Variants in RALA observed in about 807,000 individuals in gnomAD.
RALA encodes the protein ras-related protein Ral-A.
Under a neutral mutation model 24.0 loss-of-function variants are expected in RALA, and 5 were observed. That is an observed-to-expected ratio of 0.21 (90% confidence interval 0.11 to 0.44). RALA has a LOEUF of 0.44. RALA is among the 20% of genes least tolerant of loss of function. The pLI is 0.99. For missense variants in RALA, 95 were observed against 241.2 expected (o/e 0.39, Z 4.01); for synonymous variants, 77 against 83.8 (o/e 0.92, Z 0.44).
chr7:39,678,605 A>G (rs1482354994), intron 1 of RALA, among the ~76,000 whole-genome samples: 3 of 152,194 alleles, frequency 2.0e-5, no homozygotes, highest in South Asian at 2.1e-4. Flanking sequence ...ACGGTAAGAG[A>G]CAGAAAATAA....
Position 39,706,503 on chromosome 7 carries a change from G to C in RALA, c.*258G>C. ...GGTCCTGAATGTAGCGTGTAAGCTT[G>C]TGTTTCTTGGGCAGTCTTTCTTGAA... On this transcript the variant is annotated 3_prime_UTR_variant, in exon 5 of 5. Coordinates refer to ENST00000005257, the MANE Select transcript of RALA (RefSeq NM_005402.4). The C allele has an allele frequency of 3.5e-6, 1 of 283,696 alleles. No individual in the cohort carries two copies. The highest frequency in any genetic ancestry group is 6.5e-6 in the Non-Finnish European group (1 of 153,226). 17.6% of individuals were successfully genotyped at this position (283,696 alleles called of 1,614,324 possible).
chr7:39,639,376 G>T (rs1343450617), intron 1 of RALA, among the ~76,000 whole-genome samples: 3 of 152,164 alleles, frequency 2.0e-5, no homozygotes, highest in Admixed American at 2.0e-4. Context: ...AGTGAAAATT[G>T]TAAGGAGAAC....
chr7:39,679,028 T>G (rs1792539361), intron 1 of RALA, among the ~76,000 whole-genome samples: 1 of 151,938 alleles, frequency 6.6e-6, no homozygotes, highest in African/African-American at 2.4e-5. Context: ...TTTGTTTTAA[T>G]GTTTTTAGGC....
chr7:39,624,157 C>G (rs1209473066), intron 1 of RALA: 1 of 152,540 alleles, frequency 6.6e-6, no homozygotes, highest in Non-Finnish European at 1.5e-5. Flanking sequence ...GCGGTGCCCG[C>G]GACCTGGGGC....
rs1029615410 is a variant in RALA, at chr7:39,706,172, G to A, written c.548G>A (p.Ser183Asn). 4.4e-6 allele frequency: 7 copies of A among 1,608,928 alleles called. No homozygotes were observed. The highest frequency in any genetic ancestry group is 5.1e-6 in the Non-Finnish European group (6 of 1,178,304). ...REIRARKMED[S>N]KEKNGKKKRK... ...ATTCGAGCGAGAAAGATGGAAGACA[G>A]CAAAGAAAAGAATGGAAAAAAGAAG... Residue 183 changes from serine to asparagine, a missense_variant, in exon 5 of 5, where the codon AGC becomes AAC. Coordinates refer to ENST00000005257, the MANE Select transcript of RALA (RefSeq NM_005402.4).
At chr7:39,627,660 A>T (rs1188696326) in intron 1 of RALA, among the ~76,000 whole-genome samples, 1 of 152,188 alleles carries the variant, frequency 6.6e-6, no homozygotes, top group Non-Finnish European at 1.5e-5. Context: ...CTGTTTTCTT[A>T]TGTAGTTGAG....
At position 39,690,493 on chromosome 7, in the gene RALA, G is replaced by C; in HGVS notation, c.226G>C (p.Ala76Pro). The C allele has an allele frequency of 6.2e-7, 1 of 1,613,934 alleles. No homozygotes were observed. Among genetic ancestry groups the C allele is most frequent in the Non-Finnish European group, 8.5e-7 (1 of 1,179,840 alleles). ...ILDTAGQEDY[A>P]AIRDNYFRSG... Reference sequence around the variant, plus strand: ...AGATACAGCTGGGCAGGAGGACTACGCTGCAATTAGAGACAACTACTTCCG... The same window carrying C: ...AGATACAGCTGGGCAGGAGGACTACCCTGCAATTAGAGACAACTACTTCCG... Residue 76 changes from alanine (A) to proline (P), a missense_variant, in exon 3 of 5, where the codon GCT becomes CCT. Coordinates refer to ENST00000005257, the MANE Select transcript of RALA (RefSeq NM_005402.4).
intron 1 of RALA, among the ~76,000 whole-genome samples, chr7:39,648,592 A>T (rs1019009548): frequency 6.6e-6 from 1 of 152,176 alleles, no homozygotes; most frequent in African/African-American, 2.4e-5. Context: ...TGAGGGAGTG[A>T]GCCATGTGCT....
chr7:39,667,550 T>G (rs966961142), intron 1 of RALA, among the ~76,000 whole-genome samples: 1 of 152,230 alleles, frequency 6.6e-6, no homozygotes, highest in Non-Finnish European at 1.5e-5. Flanking sequence ...GAATCTCTTC[T>G]TCCCCACTGA....
intron 1 of RALA, among the ~76,000 whole-genome samples, chr7:39,666,018 A>T (rs1012655511): frequency 2.6e-5 from 4 of 152,196 alleles, no homozygotes; most frequent in Admixed American, 2.0e-4. Context: ...TCTGACACAG[A>T]ATAAGCACTC....
chr7:39,658,574 A>T (rs1201142310), intron 1 of RALA, among the ~76,000 whole-genome samples: 1 of 152,104 alleles, frequency 6.6e-6, no homozygotes, highest in African/African-American at 2.4e-5. Context: ...TTACCTAGGC[A>T]GTTTTTTACA....
In RALA at chr7:39,706,277, A is replaced by G. The variant is rs755252759; in HGVS notation, c.*32A>G. The G allele has an allele frequency of 1.5e-5, 24 of 1,568,324 alleles. No individual in the cohort carries two copies. Among genetic ancestry groups the G allele is most frequent in the African/African-American group, 4.1e-5 (3 of 72,292 alleles). On this transcript the variant is annotated 3_prime_UTR_variant, in exon 5 of 5. Transcript: ENST00000005257. ...CCCAAACTCCTTTCTTATCTTGACC[A>G]TACTAATAAATATAATTTATAAGCA...
intron 1 of RALA, among the ~76,000 whole-genome samples, chr7:39,683,250 C>T (rs1792637450): frequency 6.6e-6 from 1 of 152,166 alleles, no homozygotes; most frequent in African/African-American, 2.4e-5. Context: ...GCTTCATGTA[C>T]TCTGGCCTTC....
At chr7:39,675,683 A>T (rs1218448834) in intron 1 of RALA, among the ~76,000 whole-genome samples, 1 of 151,382 alleles carries the variant, frequency 6.6e-6, no homozygotes, top group African/African-American at 2.4e-5. Flanking sequence ...CTGTGATGGT[A>T]CCATTACATT....
Position 39,630,945 on chromosome 7 carries a change from T to C in RALA, c.-38+7120T>C, listed in dbSNP as rs567572971. The stretch of plus-strand genomic sequence containing the variant: ...CCTCTTCATTGTTTTTCTTGCCTTC[T>C]TGTATGAATTTTAGCATCAATTTGT... On this transcript the variant is annotated intron_variant, in intron 1 of 4. Coordinates refer to ENST00000005257, the MANE Select transcript of RALA (RefSeq NM_005402.4). Among the ~76,000 whole-genome samples, 4 of 152,286 alleles carry C rather than the reference T, an allele frequency of 2.6e-5. No homozygotes were observed. The East Asian group carries it at 7.7e-4, about 29-fold the overall frequency.
intron 1 of RALA, among the ~76,000 whole-genome samples, chr7:39,664,213 T>A (rs1273288384): frequency 5.9e-5 from 9 of 152,126 alleles, no homozygotes; most frequent in Admixed American, 5.9e-4. Flanking sequence ...TGCAGTCGGG[T>A]TTATGATCAG....
intron 1 of RALA, among the ~76,000 whole-genome samples, chr7:39,634,805 A>G (rs755332209): frequency 6.6e-6 from 1 of 152,112 alleles, no homozygotes; most frequent in Admixed American, 6.6e-5. Flanking sequence ...ATTTGTTGCT[A>G]TGCTTATTTA....
intron 1 of RALA, among the ~76,000 whole-genome samples, chr7:39,670,178 C>T (rs1352111335): frequency 2.6e-5 from 4 of 152,222 alleles, no homozygotes; most frequent in Non-Finnish European, 4.4e-5. Context: ...CAGGGTCTTG[C>T]TGTATTGCCT....
chr7:39,646,544 A>T (rs971231747), intron 1 of RALA, among the ~76,000 whole-genome samples: 1 of 151,870 alleles, frequency 6.6e-6, no homozygotes, highest in Admixed American at 6.6e-5. Context: ...GGATCACTTC[A>T]CTTGAGCCCA....
Sources: allele counts gnomAD v4.1 joint callset (sites outside exome capture counted in the v4.1 genomes callset), GRCh38; gene constraint gnomAD v4.1.1; transcripts MANE v1.5; gene names NCBI Gene and HGNC (gene_info 2026-07-23, HGNC 2026-07-21).